VWF: variants seen among roughly 807,000 people sequenced by gnomAD.
The protein encoded by VWF is von Willebrand factor, also known as Factor VIII related antigen.
Under a neutral mutation model 308.6 loss-of-function variants are expected in VWF, and 176 were observed. The ratio of observed to expected loss-of-function variants is 0.57; its 90% CI spans 0.50 to 0.65. The LOEUF is 0.65. Ranked by LOEUF, VWF falls within the 30% of genes least tolerant of loss-of-function variation. VWF has a pLI of 0.00. For synonymous variants in VWF, 1,385 were observed against 1,443.4 expected (o/e 0.96, Z 0.92); for missense variants, 3,146 against 3,648.2 (o/e 0.86, Z 3.55).
Position 6,020,642 on chromosome 12 carries a change from T to C in VWF, c.3675-899A>G, listed in dbSNP as rs572007882. On this transcript the variant is annotated intron_variant, in intron 27 of 51. Coordinates refer to ENST00000261405, the MANE Select transcript of VWF (RefSeq NM_000552.5). The surrounding 1 kb of genome is among the most constrained non-coding windows in gnomAD (Gnocchi z 4.3). Reference sequence around the variant, plus strand: ...CCACAGGTGAAATCAAGTGACCGTGTGGTGGAGACCAATATGGGCCAGGAC... The same window carrying C: ...CCACAGGTGAAATCAAGTGACCGTGCGGTGGAGACCAATATGGGCCAGGAC... Among the ~76,000 whole-genome samples the C allele has an allele frequency of 2.0e-5, 3 of 152,386 alleles. No individual in the cohort carries two copies. Among genetic ancestry groups the C allele is most frequent in the Non-Finnish European group, 2.9e-5 (2 of 68,036 alleles).
intron 5 of VWF, among the ~76,000 whole-genome samples, chr12:6,109,175 T>C (rs1273205268): frequency 6.6e-6 from 1 of 150,582 alleles, no homozygotes; most frequent in Non-Finnish European, 1.5e-5. Flanking sequence ...AGCCCAAGAG[T>C]TCAAGATCAG....
intron 32 of VWF, among the ~76,000 whole-genome samples, chr12:6,012,675 A>G (rs1268741190): frequency 7.3e-5 from 11 of 151,136 alleles, no homozygotes; most frequent in Non-Finnish European, 1.0e-4. Context: ...CCCCGCCACA[A>G]AAAAAGCGTG....
intron 6 of VWF, among the ~76,000 whole-genome samples, chr12:6,090,521 G>A (rs1945020846): frequency 1.3e-5 from 2 of 152,140 alleles, no homozygotes; most frequent in Admixed American, 1.3e-4. Flanking sequence ...TCCTGCTTCT[G>A]CCGGCTCCCA....
chr12:6,063,185 A>T lies in VWF; in HGVS notation c.1433-131T>A. On this transcript the variant is annotated intron_variant, in intron 12 of 51. Coordinates refer to ENST00000261405, the MANE Select transcript of VWF (RefSeq NM_000552.5). The surrounding 1 kb of genome is among the most constrained non-coding windows in gnomAD (Gnocchi z 4.9). Reference sequence around the variant, plus strand: ...CTGAAGAGCAATGACTTAGGGGCAGATGGGGTGGCCATGAGGTTTAAGGGG... The same window carrying T: ...CTGAAGAGCAATGACTTAGGGGCAGTTGGGGTGGCCATGAGGTTTAAGGGG... 1 of 762,266 alleles carries T rather than the reference A, an allele frequency of 1.3e-6. No individual in the cohort carries two copies. The highest frequency in any genetic ancestry group is 2.2e-6 in the Non-Finnish European group (1 of 444,448). 47.2% of individuals were successfully genotyped at this position (762,266 alleles called of 1,614,324 possible).
chr12:5,989,178 T>C (rs1943710768), intron 38 of VWF, among the ~76,000 whole-genome samples: 1 of 152,226 alleles, frequency 6.6e-6, no homozygotes, highest in African/African-American at 2.4e-5. Flanking sequence ...AGGGACAGCC[T>C]GTGCAGGCTC....
At chr12:5,964,611 G>A (rs376775388) in intron 47 of VWF, among the ~76,000 whole-genome samples, 123 of 152,252 alleles carry the variant, frequency 8.1e-4, no homozygotes, top group African/African-American at 2.7e-3. Context: ...CCAGACAGAC[G>A]ACCTGTCCCA....
rs1373414414 is a variant in VWF at position 5,952,381 on chromosome 12, G to C, written c.8115+10C>G. 1 of 1,613,758 alleles carries C rather than the reference G, an allele frequency of 6.2e-7. No homozygotes were observed. Among genetic ancestry groups the C allele is most frequent in the Admixed American group, 1.7e-5 (1 of 60,008 alleles). Reference sequence around the variant, plus strand: ...GAGACAGTAAAGAGGAAAGCAGAATGAGTACTCACTCCCTCAGCCAGACAC... The same window carrying C: ...GAGACAGTAAAGAGGAAAGCAGAATCAGTACTCACTCCCTCAGCCAGACAC... On this transcript the variant is annotated intron_variant, in intron 49 of 51. Coordinates refer to ENST00000261405, the MANE Select transcript of VWF (RefSeq NM_000552.5).
At chr12:5,964,471 CT>C (rs1296921552) in intron 47 of VWF, among the ~76,000 whole-genome samples, 1 of 152,164 alleles carries the variant, frequency 6.6e-6, no homozygotes, top group African/African-American at 2.4e-5. Flanking sequence ...ATCAATTTAG[CT>C]TTGTGAGAAA....
rs1160412405 is a variant in VWF, at chr12:6,020,085, A to C, written c.3675-342T>G. Among the ~76,000 whole-genome samples the C allele has an allele frequency of 6.6e-6, 1 of 152,238 alleles. No individual in the cohort carries two copies. Among genetic ancestry groups the C allele is most frequent in the Non-Finnish European group, 1.5e-5 (1 of 68,044 alleles). On this transcript the variant is annotated intron_variant, in intron 27 of 51. Coordinates refer to ENST00000261405, the MANE Select transcript of VWF (RefSeq NM_000552.5). This position sits in a 1 kb window ranked among gnomAD's most constrained non-coding sequence, Gnocchi z 4.3. ...TTCTTTTCAACCTACATCTTTAGCA[A>C]CATGAATACTTAATTATAATCCAAG... is the stretch of plus-strand genomic sequence containing the variant.
chr12:6,050,334 C>T (rs1944495010), intron 16 of VWF, among the ~76,000 whole-genome samples: 1 of 152,236 alleles, frequency 6.6e-6, no homozygotes, highest in South Asian at 2.1e-4. Flanking sequence ...ATCGCTTGAT[C>T]CAAGGCCTCG....
At chr12:6,073,029 G>A (rs1445880382) in intron 8 of VWF, among the ~76,000 whole-genome samples, 1 of 152,128 alleles carries the variant, frequency 6.6e-6, no homozygotes, top group Non-Finnish European at 1.5e-5. Context: ...ACCACCCCCA[G>A]CTAATTTTTG....
Position 6,044,397 on chromosome 12 carries a change from T to C in VWF, c.2336A>G (p.Asp779Gly), listed in dbSNP as rs779708332. 6.2e-7 allele frequency: 1 copy of C among 1,614,192 alleles called. No homozygotes were observed. Among genetic ancestry groups the C allele is most frequent in the South Asian group, 1.1e-5 (1 of 91,078 alleles). ...CTCGAGCCCTTCAGCCCGCAGGTTG[T>C]CAGCGGGACACACCAGCTTGACCAT... is the stretch of plus-strand genomic sequence containing the variant. ...PPMVKLVCPADNLRAEGLECT... is the reference protein window; with the variant it reads ...PPMVKLVCPAGNLRAEGLECT... Residue 779 changes from aspartate (D) to glycine (G), a missense_variant, in exon 18 of 52, where the codon GAC becomes GGC. Physicochemically the swap from Asp to Gly is moderately conservative, Grantham distance 94. Coordinates refer to ENST00000261405, the MANE Select transcript of VWF (RefSeq NM_000552.5).
chr12:5,957,003 A>G (rs1183263530), intron 47 of VWF, among the ~76,000 whole-genome samples: 2 of 152,162 alleles, frequency 1.3e-5, no homozygotes, highest in Admixed American at 6.5e-5. Context: ...CATTCTTGGT[A>G]AGTGCCCTAT....
rs144221902 is a variant in VWF, at chr12:6,012,120, C to T, written c.5631G>A (p.Arg1877=). The T allele has an allele frequency of 6.2e-7, 1 of 1,613,940 alleles. No individual in the cohort carries two copies. Among genetic ancestry groups the T allele is most frequent in the Non-Finnish European group, 8.5e-7 (1 of 1,179,930 alleles). Residue 1877 remains arginine (R), a synonymous_variant, in exon 33 of 52, where the codon AGG becomes AGA. Coordinates refer to ENST00000261405, the MANE Select transcript of VWF (RefSeq NM_000552.5). The part of the protein sequence containing the change: ...FLHKLCSGFV[R]ICMDEDGNEK... ...CATTCCCATCCTCATCCATGCAAAT[C>T]CTAACAAATCCTGCAACAGACACAA... is the stretch of plus-strand genomic sequence containing the variant.
chr12:6,111,361 GTTAT>G (rs1261059492), intron 3 of VWF, among the ~76,000 whole-genome samples: 1 of 152,130 alleles, frequency 6.6e-6, no homozygotes, highest in African/African-American at 2.4e-5. Context: ...CTAGGAGAGT[GTTAT>G]TTATTCATTC....
At chr12:5,955,200 T>A (rs185533335) in intron 47 of VWF, among the ~76,000 whole-genome samples, 2 of 152,208 alleles carry the variant, frequency 1.3e-5, no homozygotes, top group Admixed American at 1.3e-4. Flanking sequence ...GGCCCCAGTA[T>A]TGCAATTAGC....
At chr12:5,983,543 G>GATA (rs1161712163) in intron 40 of VWF, among the ~76,000 whole-genome samples, 1 of 141,206 alleles carries the variant, frequency 7.1e-6, no homozygotes, top group South Asian at 2.2e-4. Context: ...ATAGATAGAT[G>GATA]GATGATAGAT....
At chr12:6,106,684 G>A (rs895183598) in intron 5 of VWF, among the ~76,000 whole-genome samples, 1 of 152,000 alleles carries the variant, frequency 6.6e-6, no homozygotes, top group Non-Finnish European at 1.5e-5. Flanking sequence ...AGAGCAGCCT[G>A]GCCAACATGG....
Position 6,073,608 on chromosome 12 carries a change from A to G in VWF, c.997+11T>C. The G allele has an allele frequency of 6.2e-7, 1 of 1,613,928 alleles. No homozygotes were observed. Among genetic ancestry groups the G allele is most frequent in the Non-Finnish European group, 8.5e-7 (1 of 1,180,010 alleles). The stretch of plus-strand genomic sequence containing the variant: ...GTCTCTGATCTGTAAATAAAGTGGG[A>G]AGTTCATTACCAGGGCAGCTGCAGC... On this transcript the variant is annotated intron_variant, in intron 8 of 51. Coordinates refer to ENST00000261405, the MANE Select transcript of VWF (RefSeq NM_000552.5).
Sources: gnomAD v4.1 joint callset for allele counts (sites outside exome capture counted in the v4.1 genomes callset) on GRCh38, gnomAD v4.1.1 for gene constraint, Gnocchi (gnomAD v3.1) non-coding constraint, MANE v1.5 for transcripts, NCBI Gene and HGNC (gene_info 2026-07-23, HGNC 2026-07-21) for gene names.